Variants in PSD3 observed in about 807,000 individuals in gnomAD.
PSD3 encodes the protein pleckstrin and Sec7 domain containing 3, also known as PH and SEC7 domain-containing protein 3.
In PSD3, 49 loss-of-function variants were observed where a neutral mutation model predicts 105.5. The observed-to-expected ratio is 0.46, with a 90% confidence interval of 0.37 to 0.59. The LOEUF is 0.59. Ranked by LOEUF, PSD3 falls within the 20% of genes least tolerant of loss-of-function variation. The pLI, the probability that PSD3 is intolerant of heterozygous loss-of-function variation, is 0.00. For missense variants in PSD3, 1,561 were observed against 1,263.8 expected (o/e 1.24, Z -3.57); for synonymous variants, 557 against 457.8 (o/e 1.22, Z -2.77).
At chr8:18,776,256 C>A (rs1248911784) in intron 8 of PSD3, among the ~76,000 whole-genome samples, 18 of 145,648 alleles carry the variant, frequency 1.2e-4, no homozygotes, top group Admixed American at 4.8e-4. Flanking sequence ...CTCTCTCTCT[C>A]TCTCTATATA....
intron 1 of PSD3, among the ~76,000 whole-genome samples, chr8:19,030,950 A>G (rs938138925): frequency 2.6e-5 from 4 of 152,172 alleles, no homozygotes; most frequent in African/African-American, 9.7e-5. Context: ...TCATAGCAGA[A>G]ACAGTCCTGT....
chr8:18,764,799 A>C (rs901084588), intron 9 of PSD3, among the ~76,000 whole-genome samples: 1 of 152,208 alleles, frequency 6.6e-6, no homozygotes, highest in Non-Finnish European at 1.5e-5. Flanking sequence ...CAATGTATAC[A>C]ATCTTACCCT....
At chr8:18,759,078 T>TCACACACA (rs199628183) in intron 9 of PSD3, among the ~76,000 whole-genome samples, 1 of 148,554 alleles carries the variant, frequency 6.7e-6, no homozygotes, top group African/African-American at 2.5e-5. Flanking sequence ...AACCCATTCT[T>TCACACACA]CACACACACA....
chr8:19,039,490 G>T (rs1828053669), intron 1 of PSD3, among the ~76,000 whole-genome samples: 1 of 152,146 alleles, frequency 6.6e-6, no homozygotes, highest in African/African-American at 2.4e-5. Flanking sequence ...GTCATGGAAA[G>T]AACACCAGCC....
At chr8:18,562,907 GAAAAAGAA>G (rs1801487127) in intron 14 of PSD3, among the ~76,000 whole-genome samples, 2 of 16,800 alleles carry the variant, frequency 1.2e-4, no homozygotes, top group East Asian at 2.8e-3. Flanking sequence ...AAAAGAAAAA[GAAAAAGAA>G]AAAGAAAAAG....
At chr8:18,818,900 G>C (rs1339068061) in intron 4 of PSD3, among the ~76,000 whole-genome samples, 3 of 151,996 alleles carry the variant, frequency 2.0e-5, no homozygotes, top group Admixed American at 6.6e-5. Flanking sequence ...GGTGGGTTGG[G>C]GGGAAAAGTC....
chr8:18,724,473 G>T (rs1472043530), intron 9 of PSD3, among the ~76,000 whole-genome samples: 1 of 151,910 alleles, frequency 6.6e-6, no homozygotes, highest in Non-Finnish European at 1.5e-5. Flanking sequence ...TGAGCTGTGT[G>T]GTGGTGTGAA....
intron 1 of PSD3, among the ~76,000 whole-genome samples, chr8:19,006,167 C>G (rs971536492): frequency 1.3e-5 from 2 of 151,360 alleles, no homozygotes; most frequent in African/African-American, 4.9e-5. Context: ...GTGGCACGTG[C>G]CTGTAATCTC....
At chr8:18,592,569 A>C (rs1296146085) in intron 12 of PSD3, among the ~76,000 whole-genome samples, 2 of 152,340 alleles carry the variant, frequency 1.3e-5, no homozygotes, top group African/African-American at 2.4e-5. Context: ...AATTATAAAA[A>C]GTCAAAGAAA....
At chr8:18,580,410 T>C (rs1418375094) in intron 12 of PSD3, among the ~76,000 whole-genome samples, 1 of 152,080 alleles carries the variant, frequency 6.6e-6, no homozygotes, top group Non-Finnish European at 1.5e-5. Flanking sequence ...CAAAACCTAC[T>C]GGTTTTGTAA....
chr8:18,721,948 T>C lies in PSD3; in HGVS notation c.2172+43501A>G, dbSNP rs73666700. ...CAACCATTTTTAAGTAGGTCACACATAGTAATGCCACGTAATTTAAAGTGT... is the reference window on the plus strand; with the variant it reads ...CAACCATTTTTAAGTAGGTCACACACAGTAATGCCACGTAATTTAAAGTGT... On this transcript the variant is annotated intron_variant, in intron 9 of 15. Transcript: ENST00000327040. Among the ~76,000 whole-genome samples, 425 of 152,246 alleles carry C rather than the reference T, an allele frequency of 2.8e-3. 2 individuals are homozygous for C. The highest frequency in any genetic ancestry group is 9.8e-3 in the African/African-American group (409 of 41,562).
intron 14 of PSD3, among the ~76,000 whole-genome samples, chr8:18,562,717 C>T (rs1801469962): frequency 2.0e-5 from 3 of 151,956 alleles, no homozygotes; most frequent in South Asian, 4.1e-4. Context: ...GGTGAAACCC[C>T]GTTTCTACTA....
intron 9 of PSD3, among the ~76,000 whole-genome samples, chr8:18,748,405 A>G (rs1265421563): frequency 6.6e-6 from 1 of 152,114 alleles, no homozygotes; most frequent in Non-Finnish European, 1.5e-5. Flanking sequence ...TCACACCTGT[A>G]ATCCCAGCAC....
In PSD3 at chr8:18,834,916, G is replaced by C. The variant is rs140183906; in HGVS notation, c.1635-30018C>G. Among the ~76,000 whole-genome samples the C allele has an allele frequency of 3.9e-3, 595 of 152,232 alleles. 10 individuals carry two copies. The highest frequency in any genetic ancestry group is 0.032 in the Admixed American group (491 of 15,288). On this transcript the variant is annotated intron_variant, in intron 4 of 15. Transcript: ENST00000327040. ...TGCAACCAGAGTCTAGACCAAAACAGATGTGAGCAAGCAATTCGTAAAAAA... is the reference window on the plus strand; with the variant it reads ...TGCAACCAGAGTCTAGACCAAAACACATGTGAGCAAGCAATTCGTAAAAAA...
intron 2 of PSD3, among the ~76,000 whole-genome samples, chr8:18,920,371 G>A (rs1820927470): frequency 6.6e-6 from 1 of 152,086 alleles, no homozygotes; most frequent in Admixed American, 6.6e-5. Context: ...TTACATAAAT[G>A]CTCAGGTTAG....
At chr8:18,786,723 T>C (rs994652844) in intron 8 of PSD3, 1 of 152,222 alleles carries the variant, frequency 6.6e-6, no homozygotes, top group Non-Finnish European at 1.5e-5. Context: ...GTTCAGAGAA[T>C]AAAGATAATG....
intron 4 of PSD3, chr8:18,808,954 G>C: frequency 7.0e-7 from 1 of 1,433,886 alleles, no homozygotes; most frequent in Non-Finnish European, 9.1e-7. Flanking sequence ...GTTCATTGTT[G>C]CGGTTTCTGT....
chr8:19,039,017 G>A (rs1365413626), intron 1 of PSD3, among the ~76,000 whole-genome samples: 1 of 152,062 alleles, frequency 6.6e-6, no homozygotes, highest in Non-Finnish European at 1.5e-5. Flanking sequence ...TAACCACTAA[G>A]CCCCCTCATC....
chr8:18,636,644 A>C (rs1005304052), intron 10 of PSD3, among the ~76,000 whole-genome samples: 1 of 152,166 alleles, frequency 6.6e-6, no homozygotes, highest in Non-Finnish European at 1.5e-5. Context: ...AGTGCCCTAA[A>C]CAGGAATACC....
Sources: gnomAD v4.1 joint callset for allele counts (sites outside exome capture counted in the v4.1 genomes callset) on GRCh38, gnomAD v4.1.1 for gene constraint, MANE v1.5 for transcripts, NCBI Gene and HGNC (gene_info 2026-07-23, HGNC 2026-07-21) for gene names.